The following PTPRD variants were observed in gnomAD, a reference collection of about 807,000 sequenced individuals.
PTPRD encodes receptor-type tyrosine-protein phosphatase delta.
A neutral mutation model predicts 214.5 loss-of-function variants in PTPRD; 34 were observed. That is an observed-to-expected ratio of 0.16 (90% confidence interval 0.12 to 0.21). The LOEUF is 0.21. Ranked by LOEUF, PTPRD falls within the 10% of genes least tolerant of loss-of-function variation. PTPRD has a pLI of 1.00. For synonymous variants in PTPRD, 1,128 were observed against 845.7 expected (o/e 1.33, Z -5.79); for missense variants, 2,545 against 2,398.7 (o/e 1.06, Z -1.27).
At position 10,129,499 on chromosome 9, in the gene PTPRD, C is replaced by CTT. The variant is rs35281382; in HGVS notation, c.-544-95711_-544-95710dup. Among the ~76,000 whole-genome samples, 777 of 125,798 alleles carry CTT rather than the reference C, an allele frequency of 6.2e-3. 6 individuals are homozygous for CTT. The highest frequency in any genetic ancestry group is 0.019 in the South Asian group (77 of 3,972). 82.5% of individuals were successfully genotyped at this position (125,798 alleles called of 152,430 possible). On this transcript the variant is annotated intron_variant, in intron 3 of 45. Transcript: ENST00000381196. Reference sequence around the variant, plus strand: ...TGGATTTTATTCTCTTTTTTCTTTCCTTTTTTTTTTTTTTTTTCTCACTTA... The same window carrying CTT: ...TGGATTTTATTCTCTTTTTTCTTTCCTTTTTTTTTTTTTTTTTTTCTCACTTA...
intron 7 of PTPRD, among the ~76,000 whole-genome samples, chr9:9,710,305 A>C (rs1207873090): frequency 6.6e-6 from 1 of 152,124 alleles, no homozygotes; most frequent in African/African-American, 2.4e-5. Context: ...AAAAGAAGGC[A>C]AAGCCCAGAA....
rs188536634 is a variant in PTPRD, at chr9:10,178,718, T to C, written c.-544-144928A>G. On this transcript the variant is annotated intron_variant, in intron 3 of 45. Coordinates refer to ENST00000381196, the MANE Select transcript of PTPRD (RefSeq NM_002839.4). ...GGTACTATTGATATTCTAGGCCATA[T>C]AATATTGTGTTGTGAGGGGCTTTCC... Among the ~76,000 whole-genome samples, 250 of 152,052 alleles carry C rather than the reference T, an allele frequency of 1.6e-3. 1 individual carries two copies. Among genetic ancestry groups the C allele is most frequent in the African/African-American group, 5.3e-3 (219 of 41,520 alleles).
At position 9,950,651 on chromosome 9, in the gene PTPRD, G is replaced by C. The variant is rs1315810500; in HGVS notation, c.-471-12041C>G. 1.5e-4 allele frequency among the ~76,000 whole-genome samples: 7 copies of C among 45,984 alleles called. 1 individual carries two copies. The highest frequency in any genetic ancestry group is 1.9e-4 in the Non-Finnish European group (6 of 31,076). The allele number at this position is 45,984 out of a possible 152,430, so 30.2% of individuals were successfully genotyped here. A position where few individuals can be genotyped will look rare whatever the true frequency, so the allele number is the denominator to read the frequency against. ...AGGCAGGAGAATGGCGTGAACCCCA[G>C]GGGGCGGAGCCTGCAGTGAGCCGAG... On this transcript the variant is annotated intron_variant, in intron 4 of 45. Coordinates refer to ENST00000381196, the MANE Select transcript of PTPRD (RefSeq NM_002839.4).
chr9:9,597,011 T>C (rs954532323), intron 7 of PTPRD, among the ~76,000 whole-genome samples: 7 of 151,968 alleles, frequency 4.6e-5, no homozygotes, highest in African/African-American at 1.7e-4. Flanking sequence ...AAGTAAGTAA[T>C]TGGCATGAGT....
In PTPRD at chr9:8,779,451, C is replaced by T. The variant is rs143184407; in HGVS notation, c.-103-45505G>A. Among the ~76,000 whole-genome samples the T allele has an allele frequency of 2.6e-3, 395 of 152,162 alleles. 2 individuals carry two copies. Among genetic ancestry groups the T allele is most frequent in the African/African-American group, 8.8e-3 (367 of 41,510 alleles). On this transcript the variant is annotated intron_variant, in intron 11 of 45. Coordinates refer to ENST00000381196, the MANE Select transcript of PTPRD (RefSeq NM_002839.4). Reference sequence around the variant, plus strand: ...GGGGCTTCAATAAAACCTAATGTGTCGTCCCGGGGTTGGGTTTCCATGTTA... The same window carrying T: ...GGGGCTTCAATAAAACCTAATGTGTTGTCCCGGGGTTGGGTTTCCATGTTA...
chr9:10,169,903 T>G lies in PTPRD; in HGVS notation c.-544-136113A>C, dbSNP rs564363226. On this transcript the variant is annotated intron_variant, in intron 3 of 45. Transcript: ENST00000381196. ...TCCAAGTGGGTCAAAATATTAGATT[T>G]AGTTTATAAAGTCTTTAAAGCAGCT... Among the ~76,000 whole-genome samples the G allele has an allele frequency of 5.3e-5, 8 of 152,332 alleles. 1 individual carries two copies. The South Asian group carries it at 1.2e-3, about 24-fold the overall frequency.
At chr9:8,385,668 C>T (rs1210845491) in intron 37 of PTPRD, among the ~76,000 whole-genome samples, 1 of 152,166 alleles carries the variant, frequency 6.6e-6, no homozygotes, top group Non-Finnish European at 1.5e-5. Flanking sequence ...AACGTATCTT[C>T]AGTGGCACTT....
intron 11 of PTPRD, among the ~76,000 whole-genome samples, chr9:8,980,425 A>G (rs1378093278): frequency 6.6e-6 from 1 of 152,164 alleles, no homozygotes; most frequent in Admixed American, 6.6e-5. Context: ...GATGATAGAT[A>G]TGTTAATCTG....
At chr9:9,787,813 G>T (rs572802214) in intron 5 of PTPRD, among the ~76,000 whole-genome samples, 1 of 145,030 alleles carries the variant, frequency 6.9e-6, no homozygotes, top group South Asian at 2.4e-4. Context: ...ACAGTGTCTT[G>T]CTCTGTCTCC....
intron 6 of PTPRD, among the ~76,000 whole-genome samples, chr9:9,744,683 T>C (rs2098440225): frequency 2.0e-5 from 3 of 151,952 alleles, no homozygotes; most frequent in Non-Finnish European, 4.4e-5. Context: ...ATATGTATGT[T>C]GAATAAAAGA....
chr9:10,415,305 TACACAC>T (rs934665845), intron 2 of PTPRD, among the ~76,000 whole-genome samples: 1 of 151,596 alleles, frequency 6.6e-6, no homozygotes, highest in Non-Finnish European at 1.5e-5. Flanking sequence ...GAATGTCTTA[TACACAC>T]ACACACATAT....
At chr9:9,983,549 T>C (rs544974447) in intron 4 of PTPRD, among the ~76,000 whole-genome samples, 1 of 152,214 alleles carries the variant, frequency 6.6e-6, no homozygotes, top group Non-Finnish European at 1.5e-5. Flanking sequence ...GTAAGCCCTA[T>C]GTATAGAGCC....
intron 2 of PTPRD, among the ~76,000 whole-genome samples, chr9:10,451,327 G>C (rs1368525815): frequency 6.6e-6 from 1 of 151,758 alleles, no homozygotes; most frequent in African/African-American, 2.4e-5. Flanking sequence ...ATTAATTTCT[G>C]AAACAAAATG....
chr9:9,920,087 T>G (rs1405319089), intron 5 of PTPRD, among the ~76,000 whole-genome samples: 1 of 152,140 alleles, frequency 6.6e-6, no homozygotes, highest in Non-Finnish European at 1.5e-5. Flanking sequence ...TTCTTAGACA[T>G]GTTTTAAGTT....
intron 11 of PTPRD, among the ~76,000 whole-genome samples, chr9:8,835,210 C>T (rs182628925): frequency 1.1e-3 from 170 of 152,308 alleles, no homozygotes; most frequent in African/African-American, 3.5e-3. Context: ...TTATGGGTAC[C>T]AGCTATAGTC....
intron 4 of PTPRD, among the ~76,000 whole-genome samples, chr9:9,986,006 G>A (rs2095697891): frequency 6.6e-6 from 1 of 152,096 alleles, no homozygotes; most frequent in South Asian, 2.1e-4. Context: ...GGGGAATAAG[G>A]AGGACAGCTA....
rs58071359 is a variant in PTPRD at position 9,673,132 on chromosome 9, G to A, written c.-287+61401C>T. Among the ~76,000 whole-genome samples, 347 of 152,030 alleles carry A rather than the reference G, an allele frequency of 2.3e-3. 1 individual carries two copies. The highest frequency in any genetic ancestry group is 7.9e-3 in the African/African-American group (330 of 41,540). ...TTTGAAGTTAATTCTAGGGAATTGT[G>A]CAATATTACCCTTTTTATCACACAT... On this transcript the variant is annotated intron_variant, in intron 7 of 45. Coordinates refer to ENST00000381196, the MANE Select transcript of PTPRD (RefSeq NM_002839.4).
chr9:9,059,311 G>A (rs1274552289), intron 10 of PTPRD, among the ~76,000 whole-genome samples: 1 of 152,156 alleles, frequency 6.6e-6, no homozygotes, highest in Non-Finnish European at 1.5e-5. Context: ...CCATAATATG[G>A]CTCAGACCAG....
At chr9:8,769,475 C>A (rs138487494) in intron 11 of PTPRD, among the ~76,000 whole-genome samples, 1 of 152,058 alleles carries the variant, frequency 6.6e-6, no homozygotes, top group African/African-American at 2.4e-5. Context: ...GTGATTTGGC[C>A]GAGGCAGTAG....
Sources: gnomAD v4.1 joint callset for allele counts (sites outside exome capture counted in the v4.1 genomes callset) on GRCh38, gnomAD v4.1.1 for gene constraint, MANE v1.5 for transcripts, NCBI Gene and HGNC (gene_info 2026-07-23, HGNC 2026-07-21) for gene names.